Variants in LMNTD1 observed in about 807,000 individuals in gnomAD.
The protein encoded by LMNTD1 is lamin tail domain-containing protein 1.
A neutral mutation model predicts 50.9 loss-of-function variants in LMNTD1; 35 were observed. That is an observed-to-expected ratio of 0.69 (90% CI 0.53 to 0.91). The LOEUF is 0.91. Among genes scored for constraint, LMNTD1 ranks in the 40% least tolerant of loss-of-function variants. The pLI, the probability that LMNTD1 is intolerant of heterozygous loss-of-function variation, is 0.00. For missense variants in LMNTD1, 470 were observed against 475.5 expected (o/e 0.99, Z 0.11); for synonymous variants, 153 against 161.9 (o/e 0.94, Z 0.42).
intron 1 of LMNTD1, among the ~76,000 whole-genome samples, chr12:25,608,094 T>C (rs1946155951): frequency 1.3e-5 from 2 of 152,282 alleles, no homozygotes; most frequent in East Asian, 1.9e-4. Flanking sequence ...TGTAATGGCC[T>C]TCTTTGTCTC....
intron 1 of LMNTD1, among the ~76,000 whole-genome samples, chr12:25,610,682 A>G (rs927469346): frequency 6.6e-6 from 1 of 152,118 alleles, no homozygotes; most frequent in Admixed American, 6.5e-5. Flanking sequence ...ATGGAAGTGG[A>G]GGGGACCCAA....
chr12:25,622,474 C>G lies in LMNTD1; in HGVS notation c.58+26020G>C, dbSNP rs558841240. ...CCTTGAGTTTGTGAGCCCGCCCCCC[C>G]CCGCAAAATAATATCAACATCATTG... On this transcript the variant is annotated intron_variant, in intron 1 of 7. Transcript: ENST00000445693. 1.9e-4 allele frequency among the ~76,000 whole-genome samples: 27 copies of G among 143,212 alleles called. No homozygotes were observed. The East Asian group carries it at 4.3e-3, about 23-fold the overall frequency. The allele number at this position is 143,212 out of a possible 152,430, so 94.0% of individuals were successfully genotyped here.
chr12:25,507,942 G>A (rs1269775175), intron 8 of LMNTD1, among the ~76,000 whole-genome samples: 2 of 151,888 alleles, frequency 1.3e-5, no homozygotes, highest in South Asian at 2.1e-4. Flanking sequence ...GCTTATTAAT[G>A]GTTAAGACTG....
intron 9 of LMNTD1, among the ~76,000 whole-genome samples, chr12:25,498,347 G>A (rs1266217532): frequency 6.6e-6 from 1 of 152,092 alleles, no homozygotes; most frequent in Non-Finnish European, 1.5e-5. Context: ...AAGCTGAAAG[G>A]TGAGACTTTT....
At chr12:25,565,239 G>A (rs1449309831) in intron 1 of LMNTD1, among the ~76,000 whole-genome samples, 2 of 150,392 alleles carry the variant, frequency 1.3e-5, no homozygotes, top group Non-Finnish European at 3.0e-5. Flanking sequence ...GTTTTTTTTT[G>A]TGGTCTTCTC....
At position 25,519,857 on chromosome 12, in the gene LMNTD1, C is replaced by T. The variant is rs934226056; in HGVS notation, c.1016+1G>A. 3.1e-6 allele frequency: 5 copies of T among 1,604,050 alleles called. No individual in the cohort carries two copies. Among genetic ancestry groups the T allele is most frequent in the Non-Finnish European group, 1.7e-6 (2 of 1,173,334 alleles). ...AAACAAACAAACCAAACAACCCTTA[C>T]CTCTTAAGAAGAACTTGAGCTTGTT... On this transcript the variant is annotated splice_donor_variant, in intron 7 of 9. Transcript: ENST00000458174. LOFTEE classifies it high-confidence loss of function.
At chr12:25,525,589 A>C (rs1941647580) in intron 6 of LMNTD1, among the ~76,000 whole-genome samples, 1 of 152,174 alleles carries the variant, frequency 6.6e-6, no homozygotes, top group Non-Finnish European at 1.5e-5. Flanking sequence ...TATTTTTGCC[A>C]AATTGTAAGT....
intron 8 of LMNTD1, among the ~76,000 whole-genome samples, chr12:25,515,830 C>T (rs1173443430): frequency 1.3e-5 from 2 of 152,074 alleles, no homozygotes; most frequent in Non-Finnish European, 2.9e-5. Flanking sequence ...AGATAGATTT[C>T]TTTCTATCTA....
chr12:25,576,805 T>C (rs1044467414), intron 1 of LMNTD1, among the ~76,000 whole-genome samples: 6 of 152,178 alleles, frequency 3.9e-5, no homozygotes, highest in African/African-American at 9.7e-5. Context: ...GGTTTTTTTC[T>C]AGGGTTTTTA....
At chr12:25,529,981 C>G (rs191340615) in intron 4 of LMNTD1, among the ~76,000 whole-genome samples, 1 of 152,130 alleles carries the variant, frequency 6.6e-6, no homozygotes, top group East Asian at 1.9e-4. Flanking sequence ...ATTTCCTCTT[C>G]TTGTTTCCCA....
intron 1 of LMNTD1, chr12:25,582,611 A>G (rs1379948144): frequency 6.6e-6 from 1 of 152,242 alleles, no homozygotes; most frequent in Non-Finnish European, 1.5e-5. Context: ...ATACATCTGG[A>G]AAAAACTTTT....
chr12:25,521,094 T>C (rs1025238035), intron 6 of LMNTD1, among the ~76,000 whole-genome samples: 7 of 152,262 alleles, frequency 4.6e-5, no homozygotes, highest in Admixed American at 3.3e-4. Context: ...GAGTTCCTCA[T>C]AGATTTTGAG....
chr12:25,558,487 G>T (rs914943580), intron 1 of LMNTD1, among the ~76,000 whole-genome samples: 3 of 152,124 alleles, frequency 2.0e-5, no homozygotes, highest in Middle Eastern at 3.2e-3. Context: ...TTTGTTTCAA[G>T]AAATTTTCAA....
chr12:25,540,690 G>A (rs1253253757), intron 4 of LMNTD1, among the ~76,000 whole-genome samples: 82 of 137,850 alleles, frequency 5.9e-4, no homozygotes, highest in East Asian at 5.3e-3. Context: ...CTCTCTCACC[G>A]CTCCTATTCA....
intron 1 of LMNTD1, among the ~76,000 whole-genome samples, chr12:25,618,064 T>C (rs1280367687): frequency 6.6e-6 from 1 of 152,204 alleles, no homozygotes; most frequent in Non-Finnish European, 1.5e-5. Context: ...GAGCCTGCTC[T>C]CTCAATTATT....
intron 1 of LMNTD1, among the ~76,000 whole-genome samples, chr12:25,574,059 T>C (rs1293919726): frequency 6.6e-6 from 1 of 152,210 alleles, no homozygotes; most frequent in African/African-American, 2.4e-5. Context: ...TTCAGCTCTT[T>C]AGGACAGAAC....
At chr12:25,642,297 G>A (rs1424676867) in intron 1 of LMNTD1, among the ~76,000 whole-genome samples, 2 of 152,130 alleles carry the variant, frequency 1.3e-5, no homozygotes, top group Non-Finnish European at 2.9e-5. Flanking sequence ...GGGTAATTAG[G>A]TTTAAATAAG....
At chr12:25,481,164 C>T (rs1938430521) in intron 9 of LMNTD1, among the ~76,000 whole-genome samples, 1 of 151,964 alleles carries the variant, frequency 6.6e-6, no homozygotes, top group South Asian at 2.1e-4. Context: ...GACATGTCAC[C>T]TTCTTAGTGA....
At chr12:25,569,600 G>T (rs1462243185) in intron 1 of LMNTD1, among the ~76,000 whole-genome samples, 1 of 152,178 alleles carries the variant, frequency 6.6e-6, no homozygotes, top group Non-Finnish European at 1.5e-5. Context: ...AAGACGTGGG[G>T]CCTGGTAGAA....
Sources: allele counts gnomAD v4.1 joint callset (sites outside exome capture counted in the v4.1 genomes callset), GRCh38; gene constraint gnomAD v4.1.1; transcripts MANE v1.5; gene names NCBI Gene and HGNC (gene_info 2026-07-23, HGNC 2026-07-21).